UTRN: variants seen among roughly 807,000 people sequenced by gnomAD.
UTRN encodes dystrophin-related protein 1.
UTRN carries 283 observed loss-of-function variants against 463.9 expected under a neutral mutation model. The ratio of observed to expected loss-of-function variants is 0.61; its 90% CI spans 0.55 to 0.67. The LOEUF is 0.67. UTRN is among the 30% of genes least tolerant of loss of function. The pLI, the probability that UTRN is intolerant of heterozygous loss-of-function variation, is 0.00. For missense variants in UTRN, 3,922 were observed against 4,084.3 expected (o/e 0.96, Z 1.08); for synonymous variants, 1,442 against 1,431.5 (o/e 1.01, Z -0.17).
chr6:144,560,574 T>C (rs1799777937), intron 50 of UTRN, among the ~76,000 whole-genome samples: 1 of 152,162 alleles, frequency 6.6e-6, no homozygotes, highest in African/African-American at 2.4e-5. Context: ...GAAGGGTTGT[T>C]ATATTTGCAC....
chr6:144,405,770 C>G (rs777813090), intron 3 of UTRN, among the ~76,000 whole-genome samples: 3 of 152,174 alleles, frequency 2.0e-5, no homozygotes, highest in Non-Finnish European at 2.9e-5. Context: ...AAACATCGAG[C>G]CTTGTTAATT....
intron 66 of UTRN, among the ~76,000 whole-genome samples, chr6:144,823,602 G>A (rs9399506): frequency 0.11 from 16,579 of 152,118 alleles, 1,252 homozygotes; most frequent in East Asian, 0.45. Context: ...GATTTATGGG[G>A]AAAATGAGTT....
intron 2 of UTRN, among the ~76,000 whole-genome samples, chr6:144,368,479 T>C (rs1779699520): frequency 6.6e-6 from 1 of 152,138 alleles, no homozygotes; most frequent in South Asian, 2.1e-4. Flanking sequence ...CATTAAGGAA[T>C]ATACATGATA....
At chr6:144,730,623 A>G (rs1021234193) in intron 54 of UTRN, 137 bp downstream of exon 54, 64 of 1,069,562 alleles carry the variant, frequency 6.0e-5, no homozygotes, top group Non-Finnish European at 7.3e-5. Flanking sequence ...CTTTATTCAA[A>G]TATGTCATTA....
Position 144,548,707 on chromosome 6 carries a change from T to C in UTRN, c.6663T>C (p.Arg2221=), listed in dbSNP as rs758245041. 1 of 1,614,108 alleles carries C rather than the reference T, an allele frequency of 6.2e-7. No homozygotes were observed. The highest frequency in any genetic ancestry group is 8.5e-7 in the Non-Finnish European group (1 of 1,179,972). ...SASDIPVQSH[R]TSEISIPADL... The stretch of plus-strand genomic sequence containing the variant: ...CAGATATTCCTGTTCAGTCTCATCG[T>C]ACTTCGGAAATTTCAATTCCTGCTG... The change falls in exon 47 of 75, where the codon CGT becomes CGC. Residue 2221 remains arginine (R), a synonymous_variant. Transcript: ENST00000367545.
At chr6:144,440,245 A>G (rs1787015338) in intron 12 of UTRN, 107 bp from the exon 13 acceptor site, 1 of 1,135,070 alleles carries the variant, frequency 8.8e-7, no homozygotes, top group East Asian at 2.5e-5. Context: ...GGAAATTTAA[A>G]TATGATGCCT....
intron 60 of UTRN, among the ~76,000 whole-genome samples, chr6:144,774,880 G>A (rs1201282652): frequency 6.6e-6 from 1 of 152,204 alleles, no homozygotes; most frequent in Non-Finnish European, 1.5e-5. Flanking sequence ...TGGAGGATGT[G>A]TTCAGAGTGG....
At chr6:144,588,824 T>G (rs1034782729) in intron 51 of UTRN, among the ~76,000 whole-genome samples, 1 of 152,204 alleles carries the variant, frequency 6.6e-6, no homozygotes, top group Non-Finnish European at 1.5e-5. Context: ...AATAAGTAAT[T>G]AGTAGAGTTC....
intron 8 of UTRN, 107 bp downstream of exon 8, chr6:144,429,000 A>T (rs1562384285): frequency 5.7e-6 from 4 of 701,564 alleles, no homozygotes; most frequent in Non-Finnish European, 9.0e-6. Context: ...GACTTGAAGA[A>T]CCTTTTCCTT....
At chr6:144,568,214 T>C (rs1342280180) in intron 50 of UTRN, among the ~76,000 whole-genome samples, 1 of 151,758 alleles carries the variant, frequency 6.6e-6, no homozygotes, top group Non-Finnish European at 1.5e-5. Context: ...TAAAGACTTT[T>C]ATAGTCTGTT....
At chr6:144,782,162 A>G in intron 61 of UTRN, 39 bp downstream of exon 61, 2 of 1,502,428 alleles carry the variant, frequency 1.3e-6, no homozygotes, top group Non-Finnish European at 1.8e-6. Context: ...ACGATCACTG[A>G]ATGAAATATG....
chr6:144,703,293 G>A (rs1042927209), intron 53 of UTRN, among the ~76,000 whole-genome samples: 2 of 152,140 alleles, frequency 1.3e-5, no homozygotes, highest in East Asian at 3.9e-4. Context: ...GTAAGAGCTC[G>A]ATGTTTGACA....
chr6:144,528,031 G>GTTTTT (rs1562528648), intron 41 of UTRN, among the ~76,000 whole-genome samples: 5 of 85,750 alleles, frequency 5.8e-5, no homozygotes, highest in African/African-American at 2.4e-4. Context: ...AAGCTAGTGT[G>GTTTTT]ATTTTTTTTT....
intron 51 of UTRN, among the ~76,000 whole-genome samples, chr6:144,642,614 A>G (rs1777884690): frequency 6.6e-6 from 1 of 152,096 alleles, no homozygotes; most frequent in Admixed American, 6.6e-5. Context: ...GGACTCTACA[A>G]CGTCACGTTT....
At chr6:144,348,360 G>A (rs1777788253) in intron 2 of UTRN, among the ~76,000 whole-genome samples, 1 of 152,164 alleles carries the variant, frequency 6.6e-6, no homozygotes, top group African/African-American at 2.4e-5. Context: ...AGGTTTGCTG[G>A]TGGCTGAAAG....
At chr6:144,782,626 G>A (rs917710575) in intron 61 of UTRN, among the ~76,000 whole-genome samples, 3 of 136,594 alleles carry the variant, frequency 2.2e-5, no homozygotes, top group African/African-American at 9.2e-5. Flanking sequence ...ATGTGTGTGT[G>A]TATATATATA....
At position 144,438,959 on chromosome 6, in the gene UTRN, A is replaced by G. The variant is rs530226009; in HGVS notation, c.1392+64A>G. 9 of 1,539,360 alleles carry G rather than the reference A, an allele frequency of 5.8e-6. No homozygotes were observed. The Admixed American group carries it at 8.8e-5, about 15-fold the overall frequency. ...ATGAAAGAGCAGCACTTAGCATCTC[A>G]GAGGCTGATGACATCTATCGTTAAC... On this transcript the variant is annotated intron_variant, in intron 12 of 74. Coordinates refer to ENST00000367545, the MANE Select transcript of UTRN (RefSeq NM_007124.3).
intron 2 of UTRN, among the ~76,000 whole-genome samples, chr6:144,349,104 G>A (rs1398645368): frequency 3.3e-5 from 5 of 152,176 alleles, no homozygotes; most frequent in African/African-American, 7.2e-5. Context: ...CTCCTCCCGG[G>A]TTCACGCCAT....
chr6:144,619,587 A>G (rs1232073494), intron 51 of UTRN, among the ~76,000 whole-genome samples: 1 of 152,188 alleles, frequency 6.6e-6, no homozygotes, highest in East Asian at 1.9e-4. Flanking sequence ...TTTTTATTCT[A>G]TGTGATTTAT....
Sources: gnomAD v4.1 joint callset for allele counts (sites outside exome capture counted in the v4.1 genomes callset) on GRCh38, gnomAD v4.1.1 for gene constraint, MANE v1.5 for transcripts, NCBI Gene and HGNC (gene_info 2026-07-23, HGNC 2026-07-21) for gene names.